Variants in CELF2 observed in about 807,000 individuals in gnomAD.
The protein encoded by CELF2 is CUG triplet repeat RNA-binding protein 2.
In CELF2, 8 loss-of-function variants were observed where a neutral mutation model predicts 62.6. The ratio of observed to expected loss-of-function variants is 0.13; its 90% confidence interval spans 0.07 to 0.23. The LOEUF is 0.23. Among genes scored for constraint, CELF2 ranks in the 10% least tolerant of loss-of-function variants. The pLI, the probability that CELF2 is intolerant of heterozygous loss-of-function variation, is 1.00. For missense variants in CELF2, 333 were observed against 671.0 expected, an observed-to-expected ratio of 0.50 and a Z score of 5.56; for synonymous variants, 258 against 250.0, an observed-to-expected ratio of 1.03 and a Z score of -0.30.
chr10:10,528,162 TGTG>T, the CELF2 span, among the ~76,000 whole-genome samples: 73,503 of 151,034 alleles, frequency 0.49, 18,570 homozygotes, highest in South Asian at 0.65. Context: ...TCCTGTTTTG[TGTG>T]TGTGTGTGTG....
chr10:10,500,186 ATTAC>A, the CELF2 span, among the ~76,000 whole-genome samples: 3 of 152,214 alleles, frequency 2.0e-5, no homozygotes, highest in African/African-American at 7.2e-5. Context: ...TTGGAGAATT[ATTAC>A]TTACAGTATT....
At chr10:10,526,887 A>T in the CELF2 span, among the ~76,000 whole-genome samples, 1 of 152,054 alleles carries the variant, frequency 6.6e-6, no homozygotes, top group Non-Finnish European at 1.5e-5. Flanking sequence ...ACTTCTGGAC[A>T]CCTAAGCAAA....
At chr10:10,754,326 AT>A in the CELF2 span, among the ~76,000 whole-genome samples, 4 of 151,588 alleles carry the variant, frequency 2.6e-5, no homozygotes, top group Non-Finnish European at 2.9e-5. Context: ...TTTTTATTTT[AT>A]TTTTTGTAGA....
At chr10:11,095,141 C>T (rs982591674) in intron 1 of CELF2, among the ~76,000 whole-genome samples, 3 of 152,084 alleles carry the variant, frequency 2.0e-5, no homozygotes, top group Non-Finnish European at 4.4e-5. Flanking sequence ...GGCCTTGATG[C>T]GTGGCCCCCG....
chr10:10,767,619 C>G, the CELF2 span, among the ~76,000 whole-genome samples: 1 of 152,144 alleles, frequency 6.6e-6, no homozygotes, highest in African/African-American at 2.4e-5. Context: ...GGGTTCATTG[C>G]TCAGTCTCAC....
At chr10:11,017,837 A>T, upstream of CELF2, 1 of 529,230 alleles carries the variant, frequency 1.9e-6, no homozygotes, top group Non-Finnish European at 2.4e-6. This position sits in a 1 kb window ranked among gnomAD's most constrained non-coding sequence, Gnocchi z 5.5. Flanking sequence ...GCGGGCCCGC[A>T]GGGGTTAAGC....
At chr10:10,851,118 A>T (rs1435295158) in intron 1 of CELF2, among the ~76,000 whole-genome samples, 1 of 152,138 alleles carries the variant, frequency 6.6e-6, no homozygotes, top group African/African-American at 2.4e-5. Flanking sequence ...AAACTGAGAC[A>T]TAGGTATTTT....
In CELF2 at chr10:11,328,245, A is replaced by T. The variant is rs2095856848; in HGVS notation, c.1439-681A>T. Among the ~76,000 whole-genome samples, 1 of 152,236 alleles carries T rather than the reference A, an allele frequency of 6.6e-6. No individual in the cohort carries two copies. The highest frequency in any genetic ancestry group is 1.5e-5 in the Non-Finnish European group (1 of 68,042). On this transcript the variant is annotated intron_variant, in intron 12 of 12. Transcript: ENST00000633077. This position sits in a 1 kb window ranked among gnomAD's most constrained non-coding sequence, Gnocchi z 6.4. ...TGCTGAATTTACTGGAGCTTTGGAA[A>T]TGGAAAGTGAGATAAGGAGAAAGGC... is the stretch of plus-strand genomic sequence containing the variant.
At chr10:10,757,763 T>C in the CELF2 span, among the ~76,000 whole-genome samples, 1 of 152,256 alleles carries the variant, frequency 6.6e-6, no homozygotes, top group South Asian at 2.1e-4. Flanking sequence ...AACTTCCCTT[T>C]CTTTAGCAAT....
Position 11,318,869 on chromosome 10 carries a change from G to A in CELF2, c.1097-2320G>A, listed in dbSNP as rs539805679. ...AGCCGAGTCGTGGAGGCTGCACATC[G>A]CAGGAAGGATCCCCCGTGGGTCTCA... is the stretch of plus-strand genomic sequence containing the variant. On this transcript the variant is annotated intron_variant, in intron 10 of 12. Transcript: ENST00000633077. The surrounding 1 kb of genome is among the most constrained non-coding windows in gnomAD (Gnocchi z 5.4). 39 of 471,154 alleles carry A rather than the reference G, an allele frequency of 8.3e-5. No homozygotes were observed. The highest frequency in any genetic ancestry group is 1.2e-4 in the South Asian group (8 of 64,564). 29.2% of individuals were successfully genotyped at this position (471,154 alleles called of 1,614,324 possible).
At chr10:10,935,683 A>G (rs1363567456) in intron 2 of CELF2, among the ~76,000 whole-genome samples, 2 of 152,212 alleles carry the variant, frequency 1.3e-5, no homozygotes, top group Non-Finnish European at 2.9e-5. Flanking sequence ...ATGAAATGCT[A>G]CAAAAGGAAT....
At chr10:10,939,280 T>TGGTGGTGG (rs781074245) in intron 2 of CELF2, among the ~76,000 whole-genome samples, 1 of 148,960 alleles carries the variant, frequency 6.7e-6, no homozygotes, top group African/African-American at 2.5e-5. Context: ...TTTTGTGGTG[T>TGGTGGTGG]TGTTGTTGTT....
In CELF2 at chr10:11,012,540, C is replaced by A. The variant is rs1036344223; in HGVS notation, c.53+7100C>A. ...ACCACATCCATTTCTCTTCCTTTCA[C>A]CCCACCTGTTGCTGCCTTCTCCGGG... On this transcript the variant is annotated intron_variant, in intron 1 of 12. Transcript: ENST00000416382. This position sits in a 1 kb window ranked among gnomAD's most constrained non-coding sequence, Gnocchi z 5.5. 4.7e-4 allele frequency among the ~76,000 whole-genome samples: 72 copies of A among 152,208 alleles called. No homozygotes were observed. The highest frequency in any genetic ancestry group is 6.5e-4 in the Non-Finnish European group (44 of 68,046).
chr10:10,798,005 A>G (rs7919525), upstream of CELF2, among the ~76,000 whole-genome samples: 30,036 of 151,862 alleles, frequency 0.2, 3,206 homozygotes, highest in African/African-American at 0.24. Context: ...AGTAGGGGGT[A>G]GCCTATACCC....
In CELF2 at chr10:11,244,735, C is replaced by T. The variant is rs1318867406; in HGVS notation, c.355-4418C>T. Among the ~76,000 whole-genome samples the T allele has an allele frequency of 6.6e-6, 1 of 151,556 alleles. No homozygotes were observed. Among genetic ancestry groups the T allele is most frequent in the African/African-American group, 2.4e-5 (1 of 41,300 alleles). ...TTGGTTAGGATATCGTATCATTGTT[C>T]TTGATCAACAGTAGGGCCTATTTTC... On this transcript the variant is annotated intron_variant, in intron 3 of 12. Transcript: ENST00000633077. This position sits in a 1 kb window ranked among gnomAD's most constrained non-coding sequence, Gnocchi z 4.2.
intron 2 of CELF2, among the ~76,000 whole-genome samples, chr10:10,963,064 G>A (rs1043410403): frequency 1.3e-5 from 2 of 151,012 alleles, no homozygotes; most frequent in Non-Finnish European, 2.9e-5. Context: ...GTTTTGTGAT[G>A]CAGTCTTGCT....
In CELF2 at chr10:11,028,518, C is replaced by T. The variant is rs1444627747; in HGVS notation, c.74+10355C>T. The stretch of plus-strand genomic sequence containing the variant: ...CACTGCAACCTCTGCCTCCTGGGTT[C>T]AAGTGATTCTCTTGCCTCAGCCTCC... On this transcript the variant is annotated intron_variant, in intron 1 of 12. Coordinates refer to ENST00000633077, the MANE Select transcript of CELF2 (RefSeq NM_001326342.2). Among the ~76,000 whole-genome samples the T allele has an allele frequency of 2.7e-5, 4 of 150,444 alleles. 1 individual carries two copies. Among genetic ancestry groups the T allele is most frequent in the Non-Finnish European group, 5.9e-5 (4 of 67,844 alleles).
the CELF2 span, among the ~76,000 whole-genome samples, chr10:10,462,555 T>G: frequency 6.9e-6 from 1 of 145,838 alleles, no homozygotes; most frequent in Non-Finnish European, 1.5e-5. Context: ...AAGGCAACAT[T>G]CCTGTGAGCG....
At chr10:10,650,996 G>A in the CELF2 span, among the ~76,000 whole-genome samples, 3 of 152,008 alleles carry the variant, frequency 2.0e-5, no homozygotes, top group Non-Finnish European at 4.4e-5. Context: ...GACAGTGGGC[G>A]CAGGCCAGTG....
Sources: gnomAD v4.1 joint callset for allele counts (sites outside exome capture counted in the v4.1 genomes callset) on GRCh38, gnomAD v4.1.1 for gene constraint, Gnocchi (gnomAD v3.1) non-coding constraint, MANE v1.5 for transcripts, NCBI Gene and HGNC (gene_info 2026-07-23, HGNC 2026-07-21) for gene names.